RAP1GDS1: variants seen among roughly 807,000 people sequenced by gnomAD.
The protein encoded by RAP1GDS1 is Rap1 GTPase-GDP dissociation stimulator 1.
Under a neutral mutation model 71.1 loss-of-function variants are expected in RAP1GDS1, and 35 were observed. The ratio of observed to expected loss-of-function variants is 0.49; its 90% CI spans 0.38 to 0.65. The LOEUF is 0.65. Among genes scored for constraint, RAP1GDS1 ranks in the 30% least tolerant of loss-of-function variants. The probability of loss-of-function intolerance (pLI) is 0.00; values close to 1 mark genes in which losing one functional copy is unlikely to be tolerated. For missense variants in RAP1GDS1, 663 were observed against 706.1 expected (o/e 0.94, Z 0.69); for synonymous variants, 229 against 243.1 (o/e 0.94, Z 0.54).
chr4:98,278,723 A>G (rs1362291606), intron 1 of RAP1GDS1, among the ~76,000 whole-genome samples: 1 of 152,132 alleles, frequency 6.6e-6, no homozygotes, highest in Non-Finnish European at 1.5e-5. Context: ...ATAGATTCCA[A>G]ATGAAGGAAA....
At chr4:98,349,879 G>C (rs984447786) in intron 3 of RAP1GDS1, among the ~76,000 whole-genome samples, 1 of 151,666 alleles carries the variant, frequency 6.6e-6, no homozygotes, top group Non-Finnish European at 1.5e-5. Context: ...ATAACTTTAT[G>C]TCTTTAAAAT....
rs35945066 is a variant in RAP1GDS1, at chr4:98,270,722, A to AT, written c.4+9164dup. Among the ~76,000 whole-genome samples, 118 of 148,550 alleles carry AT rather than the reference A, an allele frequency of 7.9e-4. 1 individual carries two copies. The highest frequency in any genetic ancestry group is 3.4e-3 in the Middle Eastern group (1 of 290). On this transcript the variant is annotated intron_variant, in intron 1 of 14. Coordinates refer to ENST00000408927, the MANE Select transcript of RAP1GDS1 (RefSeq NM_001100427.2). ...ACAGCGCAGTTCCACTTCCATGTGGATTTTTTTTTTTCAATAAAAGCTATA... is the reference window on the plus strand; with the variant it reads ...ACAGCGCAGTTCCACTTCCATGTGGATTTTTTTTTTTTCAATAAAAGCTATA...
intron 4 of RAP1GDS1, among the ~76,000 whole-genome samples, chr4:98,366,011 G>A (rs1408202918): frequency 6.6e-6 from 1 of 152,160 alleles, no homozygotes; most frequent in Non-Finnish European, 1.5e-5. Flanking sequence ...CAGAATGTTT[G>A]TCATTTGAAG....
intron 13 of RAP1GDS1, among the ~76,000 whole-genome samples, chr4:98,436,249 G>A (rs1201218576): frequency 6.6e-6 from 1 of 152,110 alleles, no homozygotes; most frequent in African/African-American, 2.4e-5. Context: ...ATATGTGTGA[G>A]TCTATTTCTG....
intron 1 of RAP1GDS1, among the ~76,000 whole-genome samples, chr4:98,280,989 A>G (rs1724995992): frequency 6.6e-6 from 1 of 152,228 alleles, no homozygotes; most frequent in Non-Finnish European, 1.5e-5. Flanking sequence ...TGGTACCAGT[A>G]CCATGCTGTT....
chr4:98,266,121 TA>T (rs973185482), intron 1 of RAP1GDS1, among the ~76,000 whole-genome samples: 4 of 152,100 alleles, frequency 2.6e-5, no homozygotes, highest in Non-Finnish European at 2.9e-5. Flanking sequence ...ATTTACAAAT[TA>T]AAAAAATTAT....
At chr4:98,363,742 G>A (rs751070916) in intron 4 of RAP1GDS1, among the ~76,000 whole-genome samples, 8 of 152,126 alleles carry the variant, frequency 5.3e-5, no homozygotes, top group Non-Finnish European at 1.2e-4. Flanking sequence ...GAGCTGCATG[G>A]AAAAGGAGTT....
chr4:98,294,129 A>G (rs879481069), intron 2 of RAP1GDS1, among the ~76,000 whole-genome samples: 3 of 151,990 alleles, frequency 2.0e-5, no homozygotes, highest in Admixed American at 6.6e-5. Context: ...TATTTATCCT[A>G]TTTCTAGTCA....
intron 2 of RAP1GDS1, among the ~76,000 whole-genome samples, chr4:98,313,382 T>A (rs1730537497): frequency 6.6e-6 from 1 of 152,180 alleles, no homozygotes; most frequent in Admixed American, 6.5e-5. Context: ...TCCAAAATAA[T>A]GTTTGGCCAA....
chr4:98,403,808 A>C (rs1207477971), intron 6 of RAP1GDS1, among the ~76,000 whole-genome samples: 3 of 152,126 alleles, frequency 2.0e-5, no homozygotes, highest in Non-Finnish European at 4.4e-5. Context: ...CAGGTAGGCC[A>C]AAACTAGTAG....
intron 3 of RAP1GDS1, among the ~76,000 whole-genome samples, chr4:98,345,492 A>AT (rs1331484093): frequency 6.6e-6 from 1 of 152,148 alleles, no homozygotes; most frequent in Non-Finnish European, 1.5e-5. Context: ...ATAGTAAAAG[A>AT]TTTTTTAGAC....
At chr4:98,331,992 C>T (rs941066878) in intron 2 of RAP1GDS1, among the ~76,000 whole-genome samples, 1 of 152,166 alleles carries the variant, frequency 6.6e-6, no homozygotes, top group African/African-American at 2.4e-5. Context: ...AGCTCAGTTT[C>T]CCCAACCAAT....
At chr4:98,357,730 T>C (rs1205448201) in intron 4 of RAP1GDS1, among the ~76,000 whole-genome samples, 8 of 151,892 alleles carry the variant, frequency 5.3e-5, no homozygotes, top group Non-Finnish European at 1.0e-4. Flanking sequence ...AGAAAAGAAT[T>C]TGTTTACAAA....
At chr4:98,386,072 T>C (rs1196361819) in intron 5 of RAP1GDS1, among the ~76,000 whole-genome samples, 1 of 151,636 alleles carries the variant, frequency 6.6e-6, no homozygotes, top group Non-Finnish European at 1.5e-5. Flanking sequence ...AAAAAAGACA[T>C]TTAACTTAAA....
intron 6 of RAP1GDS1, among the ~76,000 whole-genome samples, chr4:98,398,612 T>C (rs1744904584): frequency 6.6e-6 from 1 of 151,868 alleles, no homozygotes; most frequent in Admixed American, 6.6e-5. Context: ...AAGGAAGAAA[T>C]AAAGGGTGTC....
At position 98,352,510 on chromosome 4, in the gene RAP1GDS1, G is replaced by C; in HGVS notation, c.270G>C (p.Leu90Phe). ...FMRIPCVDAG[L>F]ISPLVQLLNS... ...GAATTCCATGTGTGGATGCTGGATT[G>C]ATTTCACCACTGGTGCAGCTGCTAA... Residue 90 changes from leucine to phenylalanine, a missense_variant, in exon 4 of 15, where the codon TTG (leucine) becomes TTC (phenylalanine). Transcript: ENST00000408927. The C allele has an allele frequency of 6.2e-7, 1 of 1,613,960 alleles. No homozygotes were observed. Among genetic ancestry groups the C allele is most frequent in the Non-Finnish European group, 8.5e-7 (1 of 1,179,878 alleles).
chr4:98,420,089 G>A lies in RAP1GDS1; in HGVS notation c.1245G>A (p.Met415Ile). 6.2e-7 allele frequency: 1 copy of A among 1,607,742 alleles called. No individual in the cohort carries two copies. The highest frequency in any genetic ancestry group is 8.5e-7 in the Non-Finnish European group (1 of 1,176,554). The change falls in exon 11 of 15, where the codon ATG becomes ATA. Residue 415 changes from methionine to isoleucine, a missense_variant. Coordinates refer to ENST00000408927, the MANE Select transcript of RAP1GDS1 (RefSeq NM_001100427.2). ...EAVLKFLKSE[M>I]PPVQFKLLGT... ...TTTTGAAATTTCTTAAATCTGAAAT[G>A]CCTCCTGTTCAGTTCAAACTTCTGG...
chr4:98,404,418 G>T (rs1267858221), intron 6 of RAP1GDS1, 59 bp from the exon 7 acceptor site: 10 of 1,455,158 alleles, frequency 6.9e-6, no homozygotes, highest in African/African-American at 1.5e-5. Context: ...AGTATTGAAA[G>T]TATTAGAAAA....
chr4:98,298,798 TA>T (rs1487558704), intron 2 of RAP1GDS1, among the ~76,000 whole-genome samples: 6 of 152,162 alleles, frequency 3.9e-5, no homozygotes, highest in African/African-American at 1.4e-4. Flanking sequence ...CTGCCATAGA[TA>T]GTGATTTCTT....
Sources: allele counts gnomAD v4.1 joint callset (sites outside exome capture counted in the v4.1 genomes callset), GRCh38; gene constraint gnomAD v4.1.1; transcripts MANE v1.5; gene names NCBI Gene and HGNC (gene_info 2026-07-23, HGNC 2026-07-21).